The following LGI4 variants were observed in gnomAD, a reference collection of about 807,000 sequenced individuals.
The protein encoded by LGI4 is leucine-rich repeat LGI family member 4.
Under a neutral mutation model 48.3 loss-of-function variants are expected in LGI4, and 36 were observed. The observed-to-expected ratio is 0.75, with a 90% confidence interval of 0.57 to 0.98. The LOEUF (loss-of-function observed/expected upper bound fraction) is 0.98. LGI4 is among the 50% of genes least tolerant of loss of function. LGI4 has a pLI of 0.00. For missense variants in LGI4, 701 were observed against 732.1 expected (o/e 0.96, Z 0.49); for synonymous variants, 355 against 331.6 (o/e 1.07, Z -0.77).
At chr19:35,129,108 G>A (rs187217398) in intron 6 of LGI4, among the ~76,000 whole-genome samples, 9 of 152,184 alleles carry the variant, frequency 5.9e-5, no homozygotes, top group African/African-American at 1.9e-4. Flanking sequence ...TGTAAGTCCC[G>A]TAAGGCCACG....
At chr19:35,125,588 C>G (rs564227152) in intron 8 of LGI4, 81 bp from the exon 9 acceptor site, 3 of 1,235,798 alleles carry the variant, frequency 2.4e-6, no homozygotes, top group Non-Finnish European at 2.2e-6. Context: ...AGAAGCCTGT[C>G]GGTCCCAAAA....
rs2065140120 is a variant in LGI4, at chr19:35,126,639, G to A, written c.930C>T (p.Ala310=). 3.9e-6 allele frequency: 6 copies of A among 1,539,800 alleles called. No individual in the cohort carries two copies. The highest frequency in any genetic ancestry group is 5.2e-6 in the Non-Finnish European group (6 of 1,148,608). The change falls in exon 8 of 9, where the codon GCC becomes GCT. Residue 310 remains alanine (A), a synonymous_variant. Coordinates refer to ENST00000310123, the MANE Select transcript of LGI4 (RefSeq NM_139284.3). ...GLRLAPTQTL[A]PRRLLRPNDA... is the part of the protein sequence containing the mutation. ...CATTGGGCCGCAGCAGCCGCCGCGG[G>A]GCCAGGGTCTGCGTTGGGGCCAGGC...
In LGI4 at chr19:35,131,368, A is replaced by G. The variant is rs1341877833; in HGVS notation, c.628+18T>C. 6.5e-6 allele frequency: 10 copies of G among 1,549,576 alleles called. No individual in the cohort carries two copies. The highest frequency in any genetic ancestry group is 1.2e-5 in the South Asian group (1 of 83,812). ...CCCCAGATCTCCCGCCTCCCACCCC[A>G]TCGGGAAAGCCCCCCACCTATGGCT... On this transcript the variant is annotated intron_variant, in intron 6 of 8. Coordinates refer to ENST00000310123, the MANE Select transcript of LGI4 (RefSeq NM_139284.3).
chr19:35,134,836 C>G lies in LGI4; in HGVS notation c.-156G>C, dbSNP rs1440501097. ...TCTTCTCCGTCTTTCTTTCAGTCGG[C>G]CTTCCTCCCTGTTCGTATGTCTTTG... On this transcript the variant is annotated 5_prime_UTR_variant, in exon 1 of 9. Coordinates refer to ENST00000310123, the MANE Select transcript of LGI4 (RefSeq NM_139284.3). The G allele has an allele frequency of 3.6e-6, 2 of 557,306 alleles. No individual in the cohort carries two copies. The highest frequency in any genetic ancestry group is 6.3e-6 in the Non-Finnish European group (2 of 317,538). The allele number at this position is 557,306 out of a possible 1,614,324, so 34.5% of individuals were successfully genotyped here. A position where few individuals can be genotyped will look rare whatever the true frequency, so the allele number is the denominator to read the frequency against.
At chr19:35,133,470 A>G (rs1404229852) in intron 3 of LGI4, 4 of 1,391,404 alleles carry the variant, frequency 2.9e-6, no homozygotes, top group African/African-American at 1.5e-5. Context: ...TGAGGTGATA[A>G]TCAACACTGA....
chr19:35,133,341 C>T, intron 3 of LGI4: 1 of 1,118,984 alleles, frequency 8.9e-7, no homozygotes, highest in Non-Finnish European at 1.1e-6. Flanking sequence ...GTTTCCTGGT[C>T]ATTTGAAACG....
At chr19:35,128,307 G>C (rs374399617) in intron 6 of LGI4, among the ~76,000 whole-genome samples, 4 of 152,332 alleles carry the variant, frequency 2.6e-5, no homozygotes, top group South Asian at 2.1e-4. Flanking sequence ...TTCACTCTGC[G>C]TGCCAGGCCC....
chr19:35,126,919 C>T lies in LGI4; in HGVS notation c.727G>A (p.Gly243Ser), dbSNP rs778382206. 9.3e-6 allele frequency: 15 copies of T among 1,613,658 alleles called. No individual in the cohort carries two copies. The highest frequency in any genetic ancestry group is 3.3e-5 in the South Asian group (3 of 91,084). Residue 243 changes from glycine to serine, a missense_variant, in exon 7 of 9, where the codon GGC (glycine) becomes AGC (serine). By Grantham distance (56) the Gly-to-Ser change is moderately conservative. Around this residue, in one of 3 missense-constraint regions of LGI4, gnomAD observed 462 missense variants for 436.4 expected, o/e 1.06. Transcript: ENST00000310123. ...TCCCAGGAGAGAATCAGGCAGCGGCCGGCGAAGGGCTGTGCCAGCACAATG... is the reference window on the plus strand; with the variant it reads ...TCCCAGGAGAGAATCAGGCAGCGGCTGGCGAAGGGCTGTGCCAGCACAATG... ...PHIVLAQPFA[G>S]RCLILSWDYS...
chr19:35,126,557 T>C lies in LGI4; in HGVS notation c.1012A>G (p.Lys338Glu). Residue 338 changes from lysine to glutamate, a missense_variant, in exon 8 of 9, where the codon AAG becomes GAG. Around this residue, in one of 3 missense-constraint regions of LGI4, gnomAD observed 16 missense variants for 32.5 expected, o/e 0.49. Coordinates refer to ENST00000310123, the MANE Select transcript of LGI4 (RefSeq NM_139284.3). ...CACAGCAGCGTGGTGCTGCCCGCCTTGGAGGCATCGGCCACCACGAAGCAG... is the reference window on the plus strand; with the variant it reads ...CACAGCAGCGTGGTGCTGCCCGCCTCGGAGGCATCGGCCACCACGAAGCAG... ...QPCFVVADAS[K>E]AGSTTLLCRD... 6.5e-7 allele frequency: 1 copy of C among 1,540,152 alleles called. No individual in the cohort carries two copies. Among genetic ancestry groups the C allele is most frequent in the Non-Finnish European group, 8.7e-7 (1 of 1,148,270 alleles).
At position 35,126,959 on chromosome 19, in the gene LGI4, G is replaced by A. The variant is rs2065144574; in HGVS notation, c.687C>T (p.Tyr229=). The A allele has an allele frequency of 2.5e-6, 4 of 1,613,448 alleles. No individual in the cohort carries two copies. In the African/African-American group the frequency reaches 4.0e-5, roughly 16 times the overall value. The change falls in exon 7 of 9, where the codon TAC becomes TAT. Residue 229 remains tyrosine, a synonymous_variant. Transcript: ENST00000310123. ...CCAGCACAATGTGAGGCTCCCCTTG[G>A]TAGGAGAAGGGCTCTACGCTCAGTG... ...ESALSVEPFS[Y]QGEPHIVLAQ...
At chr19:35,134,217 G>T in intron 1 of LGI4, 113 bp from the exon 2 acceptor site, 1 of 988,386 alleles carries the variant, frequency 1.0e-6, no homozygotes, top group Non-Finnish European at 1.5e-6. Context: ...CCCTGGATGT[G>T]TCTCCCCTGC....
In LGI4 at chr19:35,125,818, C is replaced by T. The variant is rs114466759; in HGVS notation, c.1300-311G>A. ...CCATCCTGGCAGCCTCTTCCCTGGC[C>T]TCTAGGCTCCTCTCCCTGCTCCCCC... is the stretch of plus-strand genomic sequence containing the variant. On this transcript the variant is annotated intron_variant, in intron 8 of 8. Coordinates refer to ENST00000310123, the MANE Select transcript of LGI4 (RefSeq NM_139284.3). 7.4e-3 allele frequency: 4,528 copies of T among 610,114 alleles called. 139 individuals are homozygous for T. Among genetic ancestry groups the T allele is most frequent in the African/African-American group, 0.068 (3,777 of 55,296 alleles). The allele number at this position is 610,114 out of a possible 1,614,324, so 37.8% of individuals were successfully genotyped here.
Position 35,133,530 on chromosome 19 carries a change from C to T in LGI4, c.314+163G>A, listed in dbSNP as rs1036961020. On this transcript the variant is annotated intron_variant, in intron 3 of 8. Transcript: ENST00000310123. ...AGAACTTCATCAGTATCACCCAAAG[C>T]ATCATCACCATTGGGTTCGCCATTT... 12 of 1,456,212 alleles carry T rather than the reference C, an allele frequency of 8.2e-6. 1 individual carries two copies. In the South Asian group the frequency reaches 1.7e-4, roughly 20 times the overall value. The allele number at this position is 1,456,212 out of a possible 1,614,324, so 90.2% of individuals were successfully genotyped here.
intron 1 of LGI4, among the ~76,000 whole-genome samples, 196 bp from the exon 2 acceptor site, chr19:35,134,300 C>A (rs546885390): frequency 2.6e-5 from 4 of 152,326 alleles, no homozygotes; most frequent in African/African-American, 9.6e-5. Context: ...TCCTCCTGGG[C>A]CCCAAATGCT....
rs145921315 is a variant in LGI4, at chr19:35,135,025, G to A, written c.-345C>T. 4 of 271,302 alleles carry A rather than the reference G, an allele frequency of 1.5e-5. No homozygotes were observed. Among genetic ancestry groups the A allele is most frequent in the African/African-American group, 9.1e-5 (4 of 43,892 alleles). The allele number at this position is 271,302 out of a possible 1,614,324, so 16.8% of individuals were successfully genotyped here. A position where few individuals can be genotyped will look rare whatever the true frequency, so the allele number is the denominator to read the frequency against. Reference sequence around the variant, plus strand: ...GGCTTTAGGTAGCTGTCTATCTGTTGGTCTCTATGTGTGTGAGTGTATGTG... The same window carrying A: ...GGCTTTAGGTAGCTGTCTATCTGTTAGTCTCTATGTGTGTGAGTGTATGTG... On this transcript the variant is annotated 5_prime_UTR_variant, in exon 1 of 9. Transcript: ENST00000310123.
In LGI4 at chr19:35,131,967, G is replaced by A. The variant is rs201339035; in HGVS notation, c.386+4C>T. ...TGGAGGGCTGGGGCGGTGGAGGCAC[G>A]CACAGGTGTGTAAGCGAGCGAAGTC... On this transcript the variant is annotated splice_donor_region_variant and intron_variant, in intron 4 of 8. Coordinates refer to ENST00000310123, the MANE Select transcript of LGI4 (RefSeq NM_139284.3). 5.0e-6 allele frequency: 8 copies of A among 1,587,142 alleles called. No homozygotes were observed. Among genetic ancestry groups the A allele is most frequent in the Non-Finnish European group, 6.0e-6 (7 of 1,166,284 alleles).
chr19:35,133,859 C>T (rs1297701106), intron 2 of LGI4, 95 bp from the exon 3 acceptor site: 8 of 1,398,446 alleles, frequency 5.7e-6, no homozygotes, highest in African/African-American at 4.3e-5. Flanking sequence ...TGGGCATGGG[C>T]ACGCAGGTGT....
chr19:35,134,619 C>A lies in LGI4; in HGVS notation c.62G>T (p.Arg21Ile). 6.3e-7 allele frequency: 1 copy of A among 1,584,500 alleles called. No homozygotes were observed. The highest frequency in any genetic ancestry group is 8.6e-7 in the Non-Finnish European group (1 of 1,165,132). The part of the protein sequence containing the change: ...LAGAGVVVAW[R>I]PPKGKCPLRC... ...CAGGGGACACTTTCCCTTTGGGGGT[C>A]TCCAGGCCACCACCACCCCCGCCCC... The change falls in exon 1 of 9, where the codon AGA (arginine) becomes ATA (isoleucine). Residue 21 changes from arginine (R) to isoleucine (I), a missense_variant. Transcript: ENST00000310123.
rs1673007 is a variant in LGI4, at chr19:35,131,791, A to G, written c.456T>C (p.His152=). The G allele has an allele frequency of 0.95, 1,474,696 of 1,555,254 alleles. 699,474 individuals carry two copies. The highest frequency in any genetic ancestry group is 1 in the East Asian group (41,868 of 41,900). The change falls in exon 5 of 9, where the codon CAT becomes CAC. Residue 152 remains histidine (H), a splice_region_variant and synonymous_variant. Transcript: ENST00000310123. ...FLFRGLDTLT[H]VDLRGNPFQC... Reference sequence around the variant, plus strand: ...TTCCCAGCCCCCATGAGCCTCACACATGAGTAAGGGTGTCCAGGCCTCGGA... The same window carrying G: ...TTCCCAGCCCCCATGAGCCTCACACGTGAGTAAGGGTGTCCAGGCCTCGGA...
Sources: gnomAD v4.1 joint callset for allele counts (sites outside exome capture counted in the v4.1 genomes callset) on GRCh38, gnomAD v4.1.1 for gene constraint, gnomAD v4.1.1 regional missense constraint, MANE v1.5 for transcripts, NCBI Gene and HGNC (gene_info 2026-07-23, HGNC 2026-07-21) for gene names.